AP3B2: variants seen among roughly 807,000 people sequenced by gnomAD.
AP3B2 encodes the protein AP-3 complex subunit beta-2.
AP3B2 carries 50 observed loss-of-function variants against 126.9 expected under a neutral mutation model. That is an observed-to-expected ratio of 0.39 (90% CI 0.31 to 0.50). The LOEUF (loss-of-function observed/expected upper bound fraction) is 0.50, where lower values mean the gene tolerates loss of function less well. Ranked by LOEUF, AP3B2 falls within the 20% of genes least tolerant of loss-of-function variation. AP3B2 has a pLI of 0.79. For missense variants in AP3B2, 1,177 were observed against 1,426.4 expected (o/e 0.83, Z 2.82); for synonymous variants, 541 against 565.0 (o/e 0.96, Z 0.60).
rs1311214490 is a variant in AP3B2, at chr15:82,677,691, T to C, written c.1358A>G (p.Gln453Arg). The C allele has an allele frequency of 1.9e-6, 3 of 1,574,440 alleles. No individual in the cohort carries two copies. In the Admixed American group the frequency reaches 5.5e-5, roughly 29 times the overall value. ...VRDTCLNGLV[Q>R]LLSNRDELVV... ...CTGACCATCACGGTTGGACAGCAGC[T>C]GCACCAGGCCATTGAGGCAGGTGTC... Residue 453 changes from glutamine (Q) to arginine (R), a missense_variant, in exon 12 of 27, where the codon CAG becomes CGG. By Grantham distance (43) the Gln-to-Arg change is conservative (BLOSUM62 1). This residue lies in a region of AP3B2 where 308 missense variants were observed against 452.4 expected (regional missense o/e 0.68). Transcript: ENST00000535359.
intron 3 of AP3B2, 139 bp from the exon 4 acceptor site, chr15:82,688,970 T>A (rs1191962272): frequency 2.0e-6 from 2 of 984,922 alleles, no homozygotes; most frequent in Non-Finnish European, 3.1e-6. Context: ...CACCCCTGAG[T>A]GTATCCGGGT....
In AP3B2 at chr15:82,684,757, G is replaced by T. The variant is rs1196728807; in HGVS notation, c.361-3177C>A. Among the ~76,000 whole-genome samples the T allele has an allele frequency of 2.0e-5, 3 of 152,320 alleles. No individual in the cohort carries two copies. In the South Asian group the frequency reaches 6.2e-4, roughly 32 times the overall value. On this transcript the variant is annotated intron_variant, in intron 4 of 26. Transcript: ENST00000535359. ...TCCTCCTGCCTCGGCCTCCCAAAGT[G>T]CTGGGATTACAGGTGTGAGCCACCA...
chr15:82,674,289 G>A (rs901039157), intron 14 of AP3B2, among the ~76,000 whole-genome samples: 6 of 152,120 alleles, frequency 3.9e-5, no homozygotes, highest in African/African-American at 1.4e-4. Context: ...CTCCCTCCTA[G>A]TACCCCAAGG....
chr15:82,676,433 ATC>A, intron 14 of AP3B2, 26 bp downstream of exon 14: 1 of 1,610,006 alleles, frequency 6.2e-7, no homozygotes, highest in Non-Finnish European at 8.5e-7. Context: ...GGACCAGAGT[ATC>A]TGGGGGGTCA....
In AP3B2 at chr15:82,662,213, C is replaced by G; in HGVS notation, c.2873G>C (p.Gly958Ala). The change falls in exon 24 of 27, where the codon GGC becomes GCC. Residue 958 changes from glycine to alanine, a missense_variant. Transcript: ENST00000535359. ...CTGGGTTGAGTCACAGAAATTAATG[C>G]CCATTACAGCAGTGGCAGATTCTCC... ...APGESATAVM[G>A]INFCDSTQAA... The G allele has an allele frequency of 6.2e-7, 1 of 1,603,274 alleles. No homozygotes were observed. Among genetic ancestry groups the G allele is most frequent in the Non-Finnish European group, 8.5e-7 (1 of 1,174,762 alleles).
rs151020520 is a variant in AP3B2 at position 82,705,419 on chromosome 15, C to G, written c.113+4175G>C. ...TCAGCCAAATTGTTTTGCCTATCCA[C>G]CCCGTGGTGCCAAACTCATATACTC... On this transcript the variant is annotated intron_variant, in intron 1 of 26. Coordinates refer to ENST00000535359, the MANE Select transcript of AP3B2 (RefSeq NM_001278512.2). Among the ~76,000 whole-genome samples the G allele has an allele frequency of 3.4e-3, 522 of 152,260 alleles. 2 individuals carry two copies. The highest frequency in any genetic ancestry group is 0.012 in the African/African-American group (496 of 41,542).
intron 14 of AP3B2, among the ~76,000 whole-genome samples, chr15:82,672,592 T>C (rs1248192094): frequency 1.3e-5 from 2 of 152,196 alleles, no homozygotes; most frequent in African/African-American, 4.8e-5. Flanking sequence ...TATACATTTA[T>C]AAATAACTAA....
At chr15:82,663,732 G>C (rs2047998874) in intron 20 of AP3B2, 69 bp downstream of exon 20, 1 of 1,597,770 alleles carries the variant, frequency 6.3e-7, no homozygotes. Flanking sequence ...TAGATGTCTG[G>C]GCCTGGCCCA....
chr15:82,670,785 G>A (rs963397524), intron 14 of AP3B2, among the ~76,000 whole-genome samples: 1 of 152,086 alleles, frequency 6.6e-6, no homozygotes. Flanking sequence ...GAAAAAATTT[G>A]CAAACTACCC....
Position 82,661,045 on chromosome 15 carries a change from C to G in AP3B2, c.3016+780G>C, listed in dbSNP as rs186810729. On this transcript the variant is annotated intron_variant, in intron 25 of 26. Transcript: ENST00000535359. Reference sequence around the variant, plus strand: ...ACTGTGGTTTGCAGACACCTTCTGCCTTGTTGTCTCTCCTGGTTCTCCTCC... The same window carrying G: ...ACTGTGGTTTGCAGACACCTTCTGCGTTGTTGTCTCTCCTGGTTCTCCTCC... Among the ~76,000 whole-genome samples, 4 of 152,260 alleles carry G rather than the reference C, an allele frequency of 2.6e-5. 1 individual carries two copies. In the East Asian group the frequency reaches 7.7e-4, roughly 29 times the overall value.
rs370224228 is a variant in AP3B2, at chr15:82,659,855, C to T, written c.3145G>A (p.Asp1049Asn). Residue 1049 changes from aspartate (D) to asparagine (N), a missense_variant, in exon 26 of 27, where the codon GAT (aspartate) becomes AAT (asparagine). Physicochemically the swap from Asp to Asn is conservative, Grantham distance 23. Around this residue, in one of 5 missense-constraint regions of AP3B2, gnomAD observed 587 missense variants for 571.3 expected, o/e 1.03. Coordinates refer to ENST00000535359, the MANE Select transcript of AP3B2 (RefSeq NM_001278512.2). Reference protein sequence around the residue: ...NLGRVPCGTSDEYRFAGRTLT... With the variant: ...NLGRVPCGTSNEYRFAGRTLT... Reference sequence around the variant, plus strand: ...CTGGTGGCCTAGTACCTGTACTCATCAGATGTCCCACAAGGAACACGACCC... The same window carrying T: ...CTGGTGGCCTAGTACCTGTACTCATTAGATGTCCCACAAGGAACACGACCC... The T allele has an allele frequency of 6.6e-5, 106 of 1,613,984 alleles. No homozygotes were observed. The East Asian group carries it at 9.6e-4, about 15-fold the overall frequency.
rs774628603 is a variant in AP3B2, at chr15:82,681,435, A to G, written c.506T>C (p.Ile169Thr). 1.2e-6 allele frequency: 2 copies of G among 1,613,808 alleles called. No individual in the cohort carries two copies. Among genetic ancestry groups the G allele is most frequent in the Non-Finnish European group, 1.7e-6 (2 of 1,179,814 alleles). The change falls in exon 5 of 27, where the codon ATC becomes ACC. Residue 169 changes from isoleucine (I) to threonine (T), a missense_variant. By Grantham distance (89) the Ile-to-Thr change is moderately conservative (BLOSUM62 -1). This residue lies in a region of AP3B2 where 130 missense variants were observed against 262.0 expected (regional missense o/e 0.50). Coordinates refer to ENST00000535359, the MANE Select transcript of AP3B2 (RefSeq NM_001278512.2). This position sits in a 1 kb window ranked among gnomAD's most constrained non-coding sequence, Gnocchi z 4.0. ...TGGGGCATACCTGTAGAGTTTAGGG[A>G]TGGCGTGGGCAGCTGTTTTCCGCAC... is the stretch of plus-strand genomic sequence containing the variant. Reference protein sequence around the residue: ...PYVRKTAAHAIPKLYSLDSDQ... With the variant: ...PYVRKTAAHATPKLYSLDSDQ...
In AP3B2 at chr15:82,664,983, T is replaced by G. The variant is rs200344551; in HGVS notation, c.2029-40A>C. The G allele has an allele frequency of 6.7e-7, 1 of 1,484,420 alleles. No individual in the cohort carries two copies. Among genetic ancestry groups the G allele is most frequent in the South Asian group, 1.2e-5 (1 of 84,118 alleles). 92.0% of individuals were successfully genotyped at this position (1,484,420 alleles called of 1,614,324 possible). ...AGGGTGCAGGGTCATTTCATCATGG[T>G]TGGGGAGAAGGCAGGCAGGCACAAG... On this transcript the variant is annotated intron_variant, in intron 17 of 26. Transcript: ENST00000535359. The surrounding 1 kb of genome is among the most constrained non-coding windows in gnomAD (Gnocchi z 4.5).
Position 82,659,536 on chromosome 15 carries a change from C to A in AP3B2, c.*24G>T. 1.2e-6 allele frequency: 2 copies of A among 1,611,774 alleles called. No homozygotes were observed. Among genetic ancestry groups the A allele is most frequent in the Non-Finnish European group, 1.7e-6 (2 of 1,178,578 alleles). ...GTCATGGGGAGGTATAGATGGGAGC[C>A]AAACAGGTCACAGCATTTGGAAGTC... is the stretch of plus-strand genomic sequence containing the variant. On this transcript the variant is annotated 3_prime_UTR_variant, in exon 27 of 27. Coordinates refer to ENST00000535359, the MANE Select transcript of AP3B2 (RefSeq NM_001278512.2).
At chr15:82,702,601 C>G (rs1018580423) in intron 1 of AP3B2, among the ~76,000 whole-genome samples, 1 of 151,626 alleles carries the variant, frequency 6.6e-6, no homozygotes, top group Non-Finnish European at 1.5e-5. Flanking sequence ...CCAAGGAACA[C>G]CCCCCTTTGA....
At chr15:82,704,638 C>T (rs2048769020) in intron 1 of AP3B2, among the ~76,000 whole-genome samples, 1 of 152,270 alleles carries the variant, frequency 6.6e-6, no homozygotes, top group Admixed American at 6.5e-5. Flanking sequence ...TCCAACTCAC[C>T]TGGCAGCCAC....
chr15:82,681,245 C>G lies in AP3B2; in HGVS notation c.522-67G>C, dbSNP rs374793803. On this transcript the variant is annotated intron_variant, in intron 5 of 26. Coordinates refer to ENST00000535359, the MANE Select transcript of AP3B2 (RefSeq NM_001278512.2). The surrounding 1 kb of genome is among the most constrained non-coding windows in gnomAD (Gnocchi z 4.0). ...CCAGCCTTCCCAATATCTGTCCAAG[C>G]CATGCTCACCTCCTGCACCCCAGCC... 1.9e-6 allele frequency: 3 copies of G among 1,552,650 alleles called. No homozygotes were observed. Among genetic ancestry groups the G allele is most frequent in the African/African-American group, 2.7e-5 (2 of 73,412 alleles).
chr15:82,665,613 T>A lies in AP3B2; in HGVS notation c.1853-38A>T. On this transcript the variant is annotated intron_variant, in intron 15 of 26. Coordinates refer to ENST00000535359, the MANE Select transcript of AP3B2 (RefSeq NM_001278512.2). The surrounding 1 kb of genome is among the most constrained non-coding windows in gnomAD (Gnocchi z 4.4). ...TTAGAGGTCAGGCAGGTAGCAGCAGTGAGGGAAAGCTCTGGGAGCTGTTTT... is the reference window on the plus strand; with the variant it reads ...TTAGAGGTCAGGCAGGTAGCAGCAGAGAGGGAAAGCTCTGGGAGCTGTTTT... 1 of 1,525,158 alleles carries A rather than the reference T, an allele frequency of 6.6e-7. No homozygotes were observed. Among genetic ancestry groups the A allele is most frequent in the Non-Finnish European group, 9.1e-7 (1 of 1,102,870 alleles). The allele number at this position is 1,525,158 out of a possible 1,614,324, so 94.5% of individuals were successfully genotyped here.
At position 82,697,060 on chromosome 15, in the gene AP3B2, G is replaced by A. The variant is rs970041865; in HGVS notation, c.114-7607C>T. ...AAAAATTAAAAATCAGGCCGGGCAC[G>A]GTGGCTCACGCCTGTAATCCCAGCA... On this transcript the variant is annotated intron_variant, in intron 1 of 26. Coordinates refer to ENST00000535359, the MANE Select transcript of AP3B2 (RefSeq NM_001278512.2). Among the ~76,000 whole-genome samples, 5 of 152,140 alleles carry A rather than the reference G, an allele frequency of 3.3e-5. No homozygotes were observed. The East Asian group carries it at 5.8e-4, about 18-fold the overall frequency.
Sources: allele counts gnomAD v4.1 joint callset (sites outside exome capture counted in the v4.1 genomes callset), GRCh38; gene constraint gnomAD v4.1.1; regional missense constraint gnomAD v4.1.1; non-coding constraint Gnocchi (gnomAD v3.1); transcripts MANE v1.5; gene names NCBI Gene and HGNC (gene_info 2026-07-23, HGNC 2026-07-21).